Variants in ACACA observed in about 807,000 individuals in gnomAD.
The protein encoded by ACACA is acetyl-CoA carboxylase alpha, also known as acetyl-CoA carboxylase 1.
A neutral mutation model predicts 296.1 loss-of-function variants in ACACA; 103 were observed. That is an observed-to-expected ratio of 0.35 (90% CI 0.30 to 0.41). ACACA has a LOEUF of 0.41. Ranked by LOEUF, ACACA falls within the 10% of genes least tolerant of loss-of-function variation. ACACA has a pLI of 1.00. For synonymous variants in ACACA, 953 were observed against 1,038.6 expected (o/e 0.92, Z 1.58); for missense variants, 1,554 against 2,989.7 (o/e 0.52, Z 11.20).
chr17:37,266,144 T>G (rs372656245), intron 10 of ACACA, among the ~76,000 whole-genome samples: 3 of 152,144 alleles, frequency 2.0e-5, no homozygotes, highest in Non-Finnish European at 4.4e-5. Flanking sequence ...CCAGGCATGG[T>G]GGCTTATGTC....
chr17:37,191,057 A>G, intron 38 of ACACA, 63 bp downstream of exon 38: 3 of 1,582,254 alleles, frequency 1.9e-6, no homozygotes, highest in Non-Finnish European at 2.6e-6. Flanking sequence ...AGTGAGATAA[A>G]TATGAATGAA....
intron 50 of ACACA, among the ~76,000 whole-genome samples, chr17:37,117,813 T>C (rs1597868607): frequency 6.6e-6 from 1 of 150,810 alleles, no homozygotes; most frequent in Non-Finnish European, 1.5e-5. Flanking sequence ...CCTTCACTAA[T>C]GTCAATTTTC....
intron 45 of ACACA, among the ~76,000 whole-genome samples, chr17:37,131,538 C>T (rs1180288508): frequency 2.0e-5 from 3 of 152,124 alleles, no homozygotes; most frequent in Admixed American, 6.5e-5. Context: ...AAATTTCTTC[C>T]GTACGTGTAT....
intron 55 of ACACA, 61 bp downstream of exon 55, chr17:37,088,877 A>G: frequency 8.8e-6 from 14 of 1,590,734 alleles, no homozygotes; most frequent in Non-Finnish European, 1.2e-5. Flanking sequence ...TTGTTTGGAA[A>G]CTTTTTATTC....
chr17:37,222,224 C>T (rs1291707157), intron 28 of ACACA, among the ~76,000 whole-genome samples: 1 of 152,150 alleles, frequency 6.6e-6, no homozygotes, highest in Non-Finnish European at 1.5e-5. Flanking sequence ...ATGAGAGGTG[C>T]TGATTTTGAG....
At chr17:37,142,528 T>C (rs1237174740) in intron 45 of ACACA, among the ~76,000 whole-genome samples, 1 of 152,218 alleles carries the variant, frequency 6.6e-6, no homozygotes, top group Admixed American at 6.5e-5. Context: ...AAAGCAAGGA[T>C]TACTCAGAAA....
intron 1 of ACACA, among the ~76,000 whole-genome samples, chr17:37,373,965 A>C (rs1366892107): frequency 6.6e-6 from 1 of 152,240 alleles, no homozygotes; most frequent in Non-Finnish European, 1.5e-5. Flanking sequence ...GGGAGGATGA[A>C]TAAAGATTTC....
At chr17:37,136,802 C>T (rs549953653) in intron 45 of ACACA, among the ~76,000 whole-genome samples, 58 of 152,134 alleles carry the variant, frequency 3.8e-4, no homozygotes, top group African/African-American at 1.3e-3. Context: ...TTAGCCGGGG[C>T]GTGGTGGCAC....
chr17:37,402,668 G>GT (rs1597812212), intron 1 of ACACA, among the ~76,000 whole-genome samples: 1 of 151,936 alleles, frequency 6.6e-6, no homozygotes, highest in African/African-American at 2.4e-5. Context: ...TTTTGCCTAA[G>GT]TGACTTCATT....
intron 3 of ACACA, among the ~76,000 whole-genome samples, chr17:37,306,896 C>T (rs2083911115): frequency 6.6e-6 from 1 of 152,034 alleles, no homozygotes; most frequent in Non-Finnish European, 1.5e-5. Context: ...TGAGGTTTCA[C>T]CATTTTGGCC....
At chr17:37,375,904 C>A (rs572305245) in intron 1 of ACACA, 3 of 517,100 alleles carry the variant, frequency 5.8e-6, no homozygotes, top group Non-Finnish European at 1.0e-5. Context: ...GCAGAATTAG[C>A]CCTTTCTCCA....
intron 3 of ACACA, among the ~76,000 whole-genome samples, chr17:37,326,404 G>A (rs925219370): frequency 2.0e-5 from 3 of 151,016 alleles, no homozygotes; most frequent in African/African-American, 7.3e-5. Flanking sequence ...GGTGGCGTAT[G>A]CCTGTAATCC....
chr17:37,274,674 T>C (rs1876661114), intron 8 of ACACA: 2 of 985,262 alleles, frequency 2.0e-6, no homozygotes, highest in African/African-American at 1.7e-5. Context: ...TGGGAAATAA[T>C]TCAATCTTTA....
At chr17:37,268,743 A>ATATC (rs2081924790) in intron 10 of ACACA, among the ~76,000 whole-genome samples, 1 of 102,070 alleles carries the variant, frequency 9.8e-6, no homozygotes, top group South Asian at 3.3e-4. Context: ...CTATCTATCT[A>ATATC]TATATATATA....
At chr17:37,231,681 T>C (rs1204441536) in intron 25 of ACACA, among the ~76,000 whole-genome samples, 1 of 152,244 alleles carries the variant, frequency 6.6e-6, no homozygotes, top group Non-Finnish European at 1.5e-5. Flanking sequence ...CATGTTCATG[T>C]GGACCGTATC....
chr17:37,233,335 T>C (rs1039326621), intron 25 of ACACA, among the ~76,000 whole-genome samples: 6 of 152,190 alleles, frequency 3.9e-5, no homozygotes, highest in Non-Finnish European at 8.8e-5. Flanking sequence ...GTTCCAATAA[T>C]GAGATTCTTA....
At chr17:37,104,762 G>A (rs1345742322) in intron 52 of ACACA, among the ~76,000 whole-genome samples, 1 of 152,042 alleles carries the variant, frequency 6.6e-6, no homozygotes, top group East Asian at 1.9e-4. Flanking sequence ...GGCAACACAG[G>A]GAAATTCTGT....
intron 10 of ACACA, among the ~76,000 whole-genome samples, chr17:37,266,238 A>T (rs917385324): frequency 7.2e-5 from 11 of 151,894 alleles, no homozygotes; most frequent in Admixed American, 7.2e-4. Flanking sequence ...ACATGGTGAA[A>T]CCTCATCTCT....
chr17:37,116,205 C>T (rs905096109), intron 50 of ACACA, among the ~76,000 whole-genome samples: 2 of 152,178 alleles, frequency 1.3e-5, no homozygotes, highest in Admixed American at 1.3e-4. Flanking sequence ...GTTGCCCAGA[C>T]TGGTCTCGCT....
Sources: allele counts gnomAD v4.1 joint callset (sites outside exome capture counted in the v4.1 genomes callset), GRCh38; gene constraint gnomAD v4.1.1; transcripts MANE v1.5; gene names NCBI Gene and HGNC (gene_info 2026-07-23, HGNC 2026-07-21).